KIAA0319: variants seen among roughly 807,000 people sequenced by gnomAD.
KIAA0319 encodes dyslexia-associated protein KIAA0319.
A neutral mutation model predicts 108.4 loss-of-function variants in KIAA0319; 83 were observed. The ratio of observed to expected loss-of-function variants is 0.77; its 90% CI spans 0.64 to 0.92. KIAA0319 has a LOEUF of 0.92. KIAA0319 is among the 40% of genes least tolerant of loss of function. The pLI, the probability that KIAA0319 is intolerant of heterozygous loss-of-function variation, is 0.00. For missense variants in KIAA0319, 1,195 were observed against 1,322.4 expected, an observed-to-expected ratio of 0.90 and a Z score of 1.49; for synonymous variants, 484 against 510.4, an observed-to-expected ratio of 0.95 and a Z score of 0.70.
At chr6:24,627,766 G>A (rs1325724102) in intron 1 of KIAA0319, among the ~76,000 whole-genome samples, 1 of 152,182 alleles carries the variant, frequency 6.6e-6, no homozygotes, top group Non-Finnish European at 1.5e-5. Context: ...TTCAGTTCAG[G>A]GACTAACATT....
At chr6:24,610,875 A>G (rs1582218879) in intron 1 of KIAA0319, among the ~76,000 whole-genome samples, 1 of 152,232 alleles carries the variant, frequency 6.6e-6, no homozygotes, top group Non-Finnish European at 1.5e-5. Flanking sequence ...ATAATGTGGT[A>G]TATCCATGTA....
At chr6:24,602,651 A>T (rs1285893543) in intron 1 of KIAA0319, among the ~76,000 whole-genome samples, 1 of 152,284 alleles carries the variant, frequency 6.6e-6, no homozygotes, top group South Asian at 2.1e-4. Context: ...ATACAAAAAA[A>T]TTAGCTGGGC....
At chr6:24,603,908 A>G (rs1038616795) in intron 1 of KIAA0319, among the ~76,000 whole-genome samples, 1 of 152,158 alleles carries the variant, frequency 6.6e-6, no homozygotes, top group Non-Finnish European at 1.5e-5. Flanking sequence ...CACACCGAGC[A>G]CAGCTGCTGC....
intron 2 of KIAA0319, chr6:24,597,916 T>TAAAAAAAAA (rs1769913078): frequency 4.1e-5 from 1 of 24,112 alleles, no homozygotes; most frequent in Non-Finnish European, 8.5e-5. Context: ...AGACCCTATC[T>TAAAAAAAAA]CAAAAAAAAA....
chr6:24,589,968 C>T (rs1016887306), intron 3 of KIAA0319, among the ~76,000 whole-genome samples: 8 of 152,046 alleles, frequency 5.3e-5, no homozygotes, highest in South Asian at 2.1e-4. Flanking sequence ...ATATCTTTTG[C>T]GACTTTTAGT....
rs1766397717 is a variant in KIAA0319, at chr6:24,580,821, G to A, written c.1279+105C>T. 4.1e-6 allele frequency: 3 copies of A among 727,554 alleles called. No individual in the cohort carries two copies. The Admixed American group carries it at 7.2e-5, about 17-fold the overall frequency. The allele number at this position is 727,554 out of a possible 1,614,324, so 45.1% of individuals were successfully genotyped here. ...TACAATGGAGCCTAATACAAAATAG[G>A]TTTTGTCTCTCTAGGTAGATAGGTA... On this transcript the variant is annotated intron_variant, in intron 7 of 20. Transcript: ENST00000378214.
rs1362160970 is a variant in KIAA0319 at position 24,553,296 on chromosome 6, C to CATAT, written c.2948+1244_2948+1245insATAT. Among the ~76,000 whole-genome samples the CATAT allele has an allele frequency of 6.0e-4, 22 of 36,366 alleles. 1 individual carries two copies. The highest frequency in any genetic ancestry group is 1.9e-3 in the African/African-American group (21 of 11,134). The allele number at this position is 36,366 out of a possible 152,430, so 23.9% of individuals were successfully genotyped here. On this transcript the variant is annotated intron_variant, in intron 19 of 20. Coordinates refer to ENST00000378214, the MANE Select transcript of KIAA0319 (RefSeq NM_014809.4). ...ATAGATATATATATATATATATATA[C>CATAT]ACACACACACACACACACACACACA... is the stretch of plus-strand genomic sequence containing the variant.
intron 3 of KIAA0319, among the ~76,000 whole-genome samples, chr6:24,595,191 C>G (rs957782005): frequency 1.3e-5 from 2 of 152,154 alleles, no homozygotes; most frequent in African/African-American, 4.8e-5. Flanking sequence ...GGTGGATTTT[C>G]AAAGCCCCTG....
chr6:24,599,129 C>T lies in KIAA0319; in HGVS notation c.55+1920G>A. ...GCTGGTCCCTGGACATGGACAGCAT[C>T]ATTGCTGAGGTCAAGGCCCAGTACA... On this transcript the variant is annotated intron_variant, in intron 2 of 20. Transcript: ENST00000378214. This position sits in a 1 kb window ranked among gnomAD's most constrained non-coding sequence, Gnocchi z 4.1. The T allele has an allele frequency of 1.5e-6, 1 of 651,954 alleles. No individual in the cohort carries two copies. Among genetic ancestry groups the T allele is most frequent in the Non-Finnish European group, 2.7e-6 (1 of 363,698 alleles). 40.4% of individuals were successfully genotyped at this position (651,954 alleles called of 1,614,324 possible).
chr6:24,644,630 A>T (rs1300151445), intron 1 of KIAA0319, among the ~76,000 whole-genome samples: 1 of 152,182 alleles, frequency 6.6e-6, no homozygotes, highest in East Asian at 1.9e-4. Flanking sequence ...AAGTCAAGAA[A>T]ATTTAACAGC....
intron 1 of KIAA0319, among the ~76,000 whole-genome samples, chr6:24,612,415 C>A (rs1562066959): frequency 6.6e-6 from 1 of 152,118 alleles, no homozygotes; most frequent in Non-Finnish European, 1.5e-5. Flanking sequence ...TGTGCCACTG[C>A]ACTCCAGCCT....
downstream of KIAA0319, among the ~76,000 whole-genome samples, chr6:24,540,422 C>T (rs807510): frequency 0.87 from 132,207 of 151,916 alleles, 58,349 homozygotes; most frequent in Non-Finnish European, 0.93. Context: ...CAGTCCATCA[C>T]TGACAGAAAT....
intron 20 of KIAA0319, among the ~76,000 whole-genome samples, chr6:24,549,326 CAAAA>C (rs35975247): frequency 6.1e-5 from 7 of 115,574 alleles, no homozygotes; most frequent in African/African-American, 9.7e-5. Flanking sequence ...ACTCTGTCTC[CAAAA>C]AAAAAAAAAA....
chr6:24,625,039 T>G (rs1774512730), intron 1 of KIAA0319, among the ~76,000 whole-genome samples: 1 of 152,274 alleles, frequency 6.6e-6, no homozygotes, highest in African/African-American at 2.4e-5. Flanking sequence ...CATGCCAGCA[T>G]GGGCAACAGA....
At chr6:24,543,434 T>G (rs1235579452), downstream of KIAA0319, among the ~76,000 whole-genome samples, 1 of 151,708 alleles carries the variant, frequency 6.6e-6, no homozygotes, top group South Asian at 2.1e-4. Context: ...TCAATCTGCA[T>G]TTTTTTTTCT....
At chr6:24,635,461 CA>C (rs1392250891) in intron 1 of KIAA0319, among the ~76,000 whole-genome samples, 2 of 152,032 alleles carry the variant, frequency 1.3e-5, no homozygotes, top group Non-Finnish European at 2.9e-5. Flanking sequence ...TTTATTTCAG[CA>C]TAGTGAATTT....
chr6:24,640,042 T>C (rs1487113501), intron 1 of KIAA0319, among the ~76,000 whole-genome samples: 1 of 76,736 alleles, frequency 1.3e-5, no homozygotes, highest in African/African-American at 6.5e-5. Context: ...AACAAAAACA[T>C]TTATTTAGAT....
rs376133611 is a variant in KIAA0319, at chr6:24,601,092, G to A, written c.12C>T (p.Pro4=). Residue 4 remains proline (P), a synonymous_variant, in exon 2 of 21, where the codon CCC becomes CCT. Coordinates refer to ENST00000378214, the MANE Select transcript of KIAA0319 (RefSeq NM_014809.4). ...GCAGCAATGAAGAGAGCACACCTGT[G>A]GGGGGCGCCATTGTGCACCACACAG... The part of the protein sequence containing the change: MAP[P]TGVLSSLLLL... 1.9e-6 allele frequency: 3 copies of A among 1,613,956 alleles called. No individual in the cohort carries two copies. Among genetic ancestry groups the A allele is most frequent in the Non-Finnish European group, 2.5e-6 (3 of 1,180,008 alleles).
chr6:24,642,149 A>AGGAG (rs541372328), intron 1 of KIAA0319, among the ~76,000 whole-genome samples: 4 of 84,704 alleles, frequency 4.7e-5, no homozygotes, highest in South Asian at 5.8e-4. Flanking sequence ...AGGGGAGGGA[A>AGGAG]GGAGGGAGGG....
Sources: gnomAD v4.1 joint callset for allele counts (sites outside exome capture counted in the v4.1 genomes callset) on GRCh38, gnomAD v4.1.1 for gene constraint, Gnocchi (gnomAD v3.1) non-coding constraint, MANE v1.5 for transcripts, NCBI Gene and HGNC (gene_info 2026-07-23, HGNC 2026-07-21) for gene names.